MAGI1: variants seen among roughly 807,000 people sequenced by gnomAD.
The protein encoded by MAGI1 is membrane associated guanylate kinase, WW and PDZ domain containing 1, also known as membrane-associated guanylate kinase, WW and PDZ domain-containing protein 1.
In MAGI1, 58 loss-of-function variants were observed where a neutral mutation model predicts 139.9. The observed-to-expected ratio is 0.41, with a 90% CI of 0.34 to 0.52. MAGI1 has a LOEUF of 0.52. MAGI1 is among the 20% of genes least tolerant of loss of function. The pLI, the probability that MAGI1 is intolerant of heterozygous loss-of-function variation, is 0.12. For missense variants in MAGI1, 1,874 were observed against 1,901.6 expected, an observed-to-expected ratio of 0.99 and a Z score of 0.27; for synonymous variants, 812 against 737.9, an observed-to-expected ratio of 1.10 and a Z score of -1.63.
chr3:65,900,175 C>G (rs17074090), intron 1 of MAGI1, among the ~76,000 whole-genome samples: 18,561 of 152,068 alleles, frequency 0.12, 1,197 homozygotes, highest in East Asian at 0.24. Context: ...TCTTGCTTTG[C>G]ACGTTATTGC....
At chr3:65,466,110 T>C (rs905346789) in intron 5 of MAGI1, among the ~76,000 whole-genome samples, 14 of 152,206 alleles carry the variant, frequency 9.2e-5, no homozygotes, top group African/African-American at 3.4e-4. Flanking sequence ...TGAGACTTTC[T>C]ATTTTTGGCT....
rs777056562 is a variant in MAGI1 at position 65,829,366 on chromosome 3, T to C, written c.314-207278A>G. On this transcript the variant is annotated intron_variant, in intron 1 of 22. Coordinates refer to ENST00000402939, the MANE Select transcript of MAGI1 (RefSeq NM_001033057.2). ...GAACCTAATACCCAGTGTGATAGTA[T>C]CAAGAAGTGGGGCCTCTGGGAAGAG... Among the ~76,000 whole-genome samples the C allele has an allele frequency of 3.9e-5, 6 of 152,182 alleles. No individual in the cohort carries two copies. In the South Asian group the frequency reaches 1.0e-3, roughly 26 times the overall value.
At chr3:65,713,509 C>T (rs1194838898) in intron 1 of MAGI1, among the ~76,000 whole-genome samples, 2 of 152,004 alleles carry the variant, frequency 1.3e-5, no homozygotes, top group African/African-American at 4.8e-5. Context: ...GGCTGTCTAC[C>T]CTGTGGGAAC....
intron 12 of MAGI1, among the ~76,000 whole-genome samples, chr3:65,404,766 G>C (rs1408259764): frequency 6.6e-6 from 1 of 152,154 alleles, no homozygotes; most frequent in Non-Finnish European, 1.5e-5. Context: ...AATGCTCCAA[G>C]ACCTATCAAA....
rs766879624 is a variant in MAGI1 at position 65,357,022 on chromosome 3, C to A, written c.3745G>T (p.Asp1249Tyr). 2.5e-6 allele frequency: 4 copies of A among 1,614,172 alleles called. No individual in the cohort carries two copies. Among genetic ancestry groups the A allele is most frequent in the African/African-American group, 1.3e-5 (1 of 75,056 alleles). The change falls in exon 23 of 23, where the codon GAT (aspartate) becomes TAT (tyrosine). Residue 1249 changes from aspartate (D) to tyrosine (Y), a missense_variant. This residue lies in a region of MAGI1 where 653 missense variants were observed against 644.5 expected (regional missense o/e 1.01). Coordinates refer to ENST00000402939, the MANE Select transcript of MAGI1 (RefSeq NM_001033057.2). ...CCATGTGGTGATGATTTGTGAAGAT[C>A]GGGTGGGTAACTGGACTCCAATGAC... ...HPSLESSYPPDLHKSSPHGEK... is the reference protein window; with the variant it reads ...HPSLESSYPPYLHKSSPHGEK...
At chr3:65,694,380 G>A (rs1260593693) in intron 1 of MAGI1, among the ~76,000 whole-genome samples, 1 of 152,148 alleles carries the variant, frequency 6.6e-6, no homozygotes, top group Non-Finnish European at 1.5e-5. Context: ...GTCTGTTGTG[G>A]GGATTAATTG....
At chr3:65,533,763 A>G (rs1336685363) in intron 2 of MAGI1, among the ~76,000 whole-genome samples, 1 of 152,166 alleles carries the variant, frequency 6.6e-6, no homozygotes, top group Middle Eastern at 3.2e-3. Context: ...ACATTCTCTG[A>G]GCATTAGAAT....
intron 2 of MAGI1, among the ~76,000 whole-genome samples, chr3:65,578,563 C>A (rs1003278406): frequency 2.0e-5 from 3 of 152,082 alleles, no homozygotes; most frequent in Non-Finnish European, 4.4e-5. Context: ...CATATTTAAC[C>A]CTACAAGGAG....
intron 1 of MAGI1, among the ~76,000 whole-genome samples, chr3:65,757,540 AG>A (rs2036662412): frequency 6.6e-6 from 1 of 152,192 alleles, no homozygotes; most frequent in Non-Finnish European, 1.5e-5. Flanking sequence ...TGGGAGGCTA[AG>A]GCAGGAGAAT....
intron 2 of MAGI1, among the ~76,000 whole-genome samples, chr3:65,505,355 C>A (rs2077239049): frequency 6.8e-6 from 1 of 147,084 alleles, no homozygotes; most frequent in Non-Finnish European, 1.5e-5. Context: ...ATGCTAAATA[C>A]TGAATGTTTC....
chr3:65,796,061 A>G (rs1268030592), intron 1 of MAGI1, among the ~76,000 whole-genome samples: 4 of 151,296 alleles, frequency 2.6e-5, no homozygotes, highest in South Asian at 2.1e-4. Flanking sequence ...AAAAAAAAAA[A>G]AAAAAAAAAG....
chr3:65,547,416 T>C (rs2079555577), intron 2 of MAGI1, among the ~76,000 whole-genome samples: 1 of 152,172 alleles, frequency 6.6e-6, no homozygotes, highest in Non-Finnish European at 1.5e-5. Flanking sequence ...ATTACCAGAG[T>C]ATAACATATC....
At chr3:65,453,137 A>T in intron 6 of MAGI1, 121 bp downstream of exon 6, 1 of 812,070 alleles carries the variant, frequency 1.2e-6, no homozygotes, top group Non-Finnish European at 2.1e-6. Context: ...TTTAGCAGAA[A>T]TTGGATTACC....
In MAGI1 at chr3:65,493,604, TCTC is replaced by T. The variant is rs1211877929; in HGVS notation, c.455_457del (p.Gly152del). On this transcript the variant is annotated inframe_deletion, in exon 3 of 23. Transcript: ENST00000402939. ...AAAGTTATAGTCCACGCCAGGCACT[TCTC>T]CTTCTCTGGGAGATCGGGTTGTGCC... is the stretch of plus-strand genomic sequence containing the variant. 7.4e-6 allele frequency: 12 copies of T among 1,614,006 alleles called. No homozygotes were observed. The highest frequency in any genetic ancestry group is 2.2e-5 in the South Asian group (2 of 91,080).
chr3:65,646,476 T>TTC (rs978675181), intron 1 of MAGI1, among the ~76,000 whole-genome samples: 1 of 151,920 alleles, frequency 6.6e-6, no homozygotes, highest in East Asian at 1.9e-4. Flanking sequence ...CTCTCTCTCT[T>TTC]TCTCTCTCTC....
At position 65,353,994 on chromosome 3, in the gene MAGI1, C is replaced by G. The variant is rs926853181; in HGVS notation, c.*2384G>C. 4 of 152,210 alleles carry G rather than the reference C, an allele frequency of 2.6e-5. No individual in the cohort carries two copies. The highest frequency in any genetic ancestry group is 6.5e-5 in the Admixed American group (1 of 15,284). The allele number at this position is 152,210 out of a possible 1,614,324, so 9.4% of individuals were successfully genotyped here. A position where few individuals can be genotyped will look rare whatever the true frequency, so the allele number is the denominator to read the frequency against. ...TAAATTGCCAAATATCATCTTACAA[C>G]AAGAAGGACATCAAGATGTTAACTT... On this transcript the variant is annotated 3_prime_UTR_variant, in exon 23 of 23. Coordinates refer to ENST00000402939, the MANE Select transcript of MAGI1 (RefSeq NM_001033057.2).
rs71102867 is a variant in MAGI1 at position 65,516,718 on chromosome 3, C to CTTTTTTTTTTTTTT, written c.431-23101_431-23088dup. ...GGAAGAAACATAGTACATCCCACCT[C>CTTTTTTTTTTTTTT]TTTTTTTTTTTTTTTTTTTTTTTTT... On this transcript the variant is annotated intron_variant, in intron 2 of 22. Transcript: ENST00000402939. Among the ~76,000 whole-genome samples, 11 of 67,000 alleles carry CTTTTTTTTTTTTTT rather than the reference C, an allele frequency of 1.6e-4. 1 individual carries two copies. Among genetic ancestry groups the CTTTTTTTTTTTTTT allele is most frequent in the African/African-American group, 5.7e-4 (10 of 17,576 alleles). The allele number at this position is 67,000 out of a possible 152,430, so 44.0% of individuals were successfully genotyped here. A position where few individuals can be genotyped will look rare whatever the true frequency, so the allele number is the denominator to read the frequency against.
intron 1 of MAGI1, among the ~76,000 whole-genome samples, chr3:65,817,954 GT>G (rs1440788040): frequency 2.0e-5 from 3 of 152,058 alleles, no homozygotes; most frequent in Admixed American, 6.6e-5. Context: ...AGAGACCATG[GT>G]AACTAATTGT....
At chr3:65,485,589 T>G (rs1336569599) in intron 3 of MAGI1, among the ~76,000 whole-genome samples, 4 of 152,218 alleles carry the variant, frequency 2.6e-5, no homozygotes, top group African/African-American at 9.6e-5. Flanking sequence ...CAATCAGGCC[T>G]GATGTTGTAG....
Sources: gnomAD v4.1 joint callset for allele counts (sites outside exome capture counted in the v4.1 genomes callset) on GRCh38, gnomAD v4.1.1 for gene constraint, gnomAD v4.1.1 regional missense constraint, MANE v1.5 for transcripts, NCBI Gene and HGNC (gene_info 2026-07-23, HGNC 2026-07-21) for gene names.